SFTPB: variants seen among roughly 807,000 people sequenced by gnomAD.
The protein encoded by SFTPB is surfactant protein B.
A neutral mutation model predicts 51.0 loss-of-function variants in SFTPB; 32 were observed. That is an observed-to-expected ratio of 0.63 (90% confidence interval 0.47 to 0.84). The LOEUF (loss-of-function observed/expected upper bound fraction) is 0.84, where lower values mean the gene tolerates loss of function less well. Ranked by LOEUF, SFTPB falls within the 40% of genes least tolerant of loss-of-function variation. The pLI, the probability that SFTPB is intolerant of heterozygous loss-of-function variation, is 0.00. For synonymous variants in SFTPB, 211 were observed against 208.5 expected, an observed-to-expected ratio of 1.01 and a Z score of -0.10; for missense variants, 431 against 491.2, an observed-to-expected ratio of 0.88 and a Z score of 1.16.
rs1020710350 is a variant in SFTPB, at chr2:85,659,186, C to T, written c.*516G>A. On this transcript the variant is annotated 3_prime_UTR_variant, in exon 11 of 11. Transcript: ENST00000519937. ...GGGAATTGCTGATTTTTTGAAAAAG[C>T]TTAACTTAACAATTTCTGATGTCTA... 3 of 152,138 alleles carry T rather than the reference C, an allele frequency of 2.0e-5. No individual in the cohort carries two copies. The highest frequency in any genetic ancestry group is 7.2e-5 in the African/African-American group (3 of 41,442). The allele number at this position is 152,138 out of a possible 1,614,324, so 9.4% of individuals were successfully genotyped here. A position where few individuals can be genotyped will look rare whatever the true frequency, so the allele number is the denominator to read the frequency against.
chr2:85,661,653 A>G, intron 9 of SFTPB, 118 bp from the exon 10 acceptor site: 1 of 821,600 alleles, frequency 1.2e-6, no homozygotes, highest in Non-Finnish European at 2.0e-6. Flanking sequence ...TACCAGTGTG[A>G]CTCTGTAGAC....
intron 4 of SFTPB, among the ~76,000 whole-genome samples, chr2:85,666,226 T>TGTGG (rs1265069464): frequency 7.5e-6 from 1 of 133,692 alleles, no homozygotes; most frequent in East Asian, 2.3e-4. Flanking sequence ...TGTGTGTGTG[T>TGTGG]GTGTGTGTGT....
rs1360319792 is a variant in SFTPB, at chr2:85,658,508, T to C, written c.*1194A>G. Reference sequence around the variant, plus strand: ...CAGCTACTGCAGCGCTTTTTATTTATTTATTTATTTACTGAGATGGAGTCT... The same window carrying C: ...CAGCTACTGCAGCGCTTTTTATTTACTTATTTATTTACTGAGATGGAGTCT... On this transcript the variant is annotated 3_prime_UTR_variant, in exon 11 of 11. Transcript: ENST00000519937. 2 of 152,228 alleles carry C rather than the reference T, an allele frequency of 1.3e-5. No individual in the cohort carries two copies. Among genetic ancestry groups the C allele is most frequent in the East Asian group, 3.9e-4 (2 of 5,178 alleles). 9.4% of individuals were successfully genotyped at this position (152,228 alleles called of 1,614,324 possible).
chr2:85,658,755 C>T lies in SFTPB; in HGVS notation c.*947G>A, dbSNP rs966516824. 1 of 151,936 alleles carries T rather than the reference C, an allele frequency of 6.6e-6. No individual in the cohort carries two copies. 9.4% of individuals were successfully genotyped at this position (151,936 alleles called of 1,614,324 possible). Reference sequence around the variant, plus strand: ...GCGAGGCTGGTCTCGAACTCCTGACCTCAAGGATCCTCCTGCCTCGGCCTC... The same window carrying T: ...GCGAGGCTGGTCTCGAACTCCTGACTTCAAGGATCCTCCTGCCTCGGCCTC... On this transcript the variant is annotated 3_prime_UTR_variant, in exon 11 of 11. Coordinates refer to ENST00000519937, the MANE Select transcript of SFTPB (RefSeq NM_000542.5).
chr2:85,663,264 T>C, intron 8 of SFTPB, 82 bp downstream of exon 8: 1 of 1,579,822 alleles, frequency 6.3e-7, no homozygotes, highest in Non-Finnish European at 8.6e-7. Context: ...CCTAGGTGTC[T>C]CTGGCTGCAA....
Position 85,665,348 on chromosome 2 carries a change from G to A in SFTPB, c.613C>T (p.Leu205Phe), listed in dbSNP as rs1677516901. 3.1e-6 allele frequency: 5 copies of A among 1,613,976 alleles called. No homozygotes were observed. The highest frequency in any genetic ancestry group is 2.7e-5 in the African/African-American group (2 of 74,926). ...DLSEQQFPIP[L>F]PYCWLCRALI... ...GCCCTGCAGAGCCAGCAATAGGGGA[G>A]AGGAATGGGGAATTGCTGCTCGGAG... Residue 205 changes from leucine to phenylalanine, a missense_variant, in exon 6 of 11, where the codon CTC becomes TTC. By Grantham distance (22) the Leu-to-Phe change is conservative. Transcript: ENST00000519937.
At position 85,665,358 on chromosome 2, in the gene SFTPB, G is replaced by A. The variant is rs190610109; in HGVS notation, c.603C>T (p.Phe201=). The part of the protein sequence containing the change: ...PHTQDLSEQQ[F]PIPLPYCWLC... ...GCCAGCAATAGGGGAGAGGAATGGG[G>A]AATTGCTGCTCGGAGAGATCCTGGG... Residue 201 remains phenylalanine, a synonymous_variant, in exon 6 of 11, where the codon TTC becomes TTT. Transcript: ENST00000519937. 2 of 1,614,052 alleles carry A rather than the reference G, an allele frequency of 1.2e-6. No individual in the cohort carries two copies. Among genetic ancestry groups the A allele is most frequent in the South Asian group, 1.1e-5 (1 of 91,088 alleles).
rs1400100310 is a variant in SFTPB, at chr2:85,663,502, G to C, written c.857-11C>G. 6.2e-7 allele frequency: 1 copy of C among 1,613,426 alleles called. No individual in the cohort carries two copies. Among genetic ancestry groups the C allele is most frequent in the East Asian group, 2.2e-5 (1 of 44,860 alleles). ...CTCCTGTCGGCGACCCTGGAGATGT[G>C]AGCATTAGGGGGAAAGCAGGCAAGG... is the stretch of plus-strand genomic sequence containing the variant. On this transcript the variant is annotated splice_polypyrimidine_tract_variant and intron_variant, in intron 7 of 10. Transcript: ENST00000519937.
intron 6 of SFTPB, 41 bp from the exon 7 acceptor site, chr2:85,663,888 T>G (rs984595071): frequency 2.3e-5 from 35 of 1,539,852 alleles, no homozygotes; most frequent in African/African-American, 2.7e-5. Flanking sequence ...GGACCTTCAC[T>G]TGGCAAGCCT....
chr2:85,660,810 G>C (rs1364968818), intron 10 of SFTPB, among the ~76,000 whole-genome samples: 1 of 152,150 alleles, frequency 6.6e-6, no homozygotes, highest in Non-Finnish European at 1.5e-5. Context: ...GTTAGGGGCT[G>C]GCTCTGAACA....
At chr2:85,665,166 C>T (rs1371580050) in intron 6 of SFTPB, 123 bp downstream of exon 6, 3 of 819,708 alleles carry the variant, frequency 3.7e-6, no homozygotes, top group East Asian at 4.9e-5. Flanking sequence ...GGCTCTCTCC[C>T]CTCCTAACTT....
At chr2:85,665,538 C>T in intron 5 of SFTPB, 68 bp downstream of exon 5, 1 of 1,571,894 alleles carries the variant, frequency 6.4e-7, no homozygotes, top group Non-Finnish European at 8.7e-7. Flanking sequence ...GGCCCAGTGC[C>T]CATGGGCTTC....
Position 85,663,501 on chromosome 2 carries a change from T to C in SFTPB, c.857-10A>G, listed in dbSNP as rs776979249. On this transcript the variant is annotated splice_polypyrimidine_tract_variant and intron_variant, in intron 7 of 10. Coordinates refer to ENST00000519937, the MANE Select transcript of SFTPB (RefSeq NM_000542.5). ...TCTCCTGTCGGCGACCCTGGAGATG[T>C]GAGCATTAGGGGGAAAGCAGGCAAG... is the stretch of plus-strand genomic sequence containing the variant. 6 of 1,613,386 alleles carry C rather than the reference T, an allele frequency of 3.7e-6. No individual in the cohort carries two copies. In the East Asian group the frequency reaches 1.1e-4, roughly 30 times the overall value.
rs181721000 is a variant in SFTPB, at chr2:85,667,231, G to T, written c.196-54C>A. The T allele has an allele frequency of 1.7e-5, 22 of 1,326,200 alleles. No homozygotes were observed. The African/African-American group carries it at 2.1e-4, about 13-fold the overall frequency. The allele number at this position is 1,326,200 out of a possible 1,614,324, so 82.2% of individuals were successfully genotyped here. A position where few individuals can be genotyped will look rare whatever the true frequency, so the allele number is the denominator to read the frequency against. ...GACACATGAGTGGGGGAGGCTCCCAGCTCCAATGGGGAGGTTCTCTTAGGA... is the reference window on the plus strand; with the variant it reads ...GACACATGAGTGGGGGAGGCTCCCATCTCCAATGGGGAGGTTCTCTTAGGA... On this transcript the variant is annotated intron_variant, in intron 2 of 10. Coordinates refer to ENST00000519937, the MANE Select transcript of SFTPB (RefSeq NM_000542.5).
intron 10 of SFTPB, among the ~76,000 whole-genome samples, chr2:85,660,512 C>T (rs1213735694): frequency 7.0e-6 from 1 of 142,648 alleles, no homozygotes; most frequent in African/African-American, 2.6e-5. Flanking sequence ...TGCAGTGGCA[C>T]GATCTCGGCA....
At position 85,663,343 on chromosome 2, in the gene SFTPB, T is replaced by C; in HGVS notation, c.1002+3A>G. ...CATGAGTCCCCATGTGCCCAGCCCA[T>C]ACCTTTTCCCTGTCCAGCCAGGAGC... On this transcript the variant is annotated splice_donor_region_variant and intron_variant, in intron 8 of 10. Coordinates refer to ENST00000519937, the MANE Select transcript of SFTPB (RefSeq NM_000542.5). 2 of 1,611,198 alleles carry C rather than the reference T, an allele frequency of 1.2e-6. No homozygotes were observed. Among genetic ancestry groups the C allele is most frequent in the South Asian group, 1.1e-5 (1 of 91,090 alleles).
Position 85,658,109 on chromosome 2 carries a change from G to T in SFTPB, c.*1593C>A. On this transcript the variant is annotated 3_prime_UTR_variant, in exon 11 of 11. Coordinates refer to ENST00000519937, the MANE Select transcript of SFTPB (RefSeq NM_000542.5). Reference sequence around the variant, plus strand: ...CTGGGTGTATACGTGCAGGGCACAGGGGATATGATGGCTTAGCTTGGGCTC... The same window carrying T: ...CTGGGTGTATACGTGCAGGGCACAGTGGATATGATGGCTTAGCTTGGGCTC... The T allele has an allele frequency of 6.5e-6, 1 of 152,778 alleles. No individual in the cohort carries two copies. The highest frequency in any genetic ancestry group is 1.9e-4 in the South Asian group (1 of 5,136). The allele number at this position is 152,778 out of a possible 1,614,324, so 9.5% of individuals were successfully genotyped here.
chr2:85,666,519 GTGTCTGGCTGGCTGGGGTGC>G, intron 4 of SFTPB, 78 bp downstream of exon 4: 1 of 1,193,512 alleles, frequency 8.4e-7, no homozygotes, highest in Non-Finnish European at 1.2e-6. Flanking sequence ...GTGTGTGTGT[GTGTCTGGCTGGCTGGGGTGC>G]TGTGTGTGTG....
In SFTPB at chr2:85,663,387, T is replaced by C; in HGVS notation, c.961A>G (p.Met321Val). 4 of 1,613,676 alleles carry C rather than the reference T, an allele frequency of 2.5e-6. No homozygotes were observed. The highest frequency in any genetic ancestry group is 3.4e-6 in the Non-Finnish European group (4 of 1,179,996). ...CAGGAGCCAACACAGGCCTGGAGCA[T>C]TGCCTGTGGTATGGCCTGCTCGCTG... The part of the protein sequence containing the change: ...NSSEQAIPQA[M>V]LQACVGSWLD... The change falls in exon 8 of 11, where the codon ATG (methionine) becomes GTG (valine). Residue 321 changes from methionine to valine, a missense_variant. Met to Val is a conservative substitution (Grantham distance 21). Transcript: ENST00000519937.
Sources: gnomAD v4.1 joint callset for allele counts (sites outside exome capture counted in the v4.1 genomes callset) on GRCh38, gnomAD v4.1.1 for gene constraint, MANE v1.5 for transcripts, NCBI Gene and HGNC (gene_info 2026-07-23, HGNC 2026-07-21) for gene names.